RP9: variants seen among roughly 807,000 people sequenced by gnomAD.
RP9 encodes the protein retinitis pigmentosa 9 protein.
A neutral mutation model predicts 32.6 loss-of-function variants in RP9; 23 were observed. The ratio of observed to expected loss-of-function variants is 0.71; its 90% confidence interval spans 0.51 to 1.00. The LOEUF (loss-of-function observed/expected upper bound fraction) is 1.00, where lower values mean the gene tolerates loss of function less well. RP9 is among the 50% of genes least tolerant of loss of function. The probability of loss-of-function intolerance (pLI) is 0.00; values close to 1 mark genes in which losing one functional copy is unlikely to be tolerated. For synonymous variants in RP9, 94 were observed against 103.6 expected, an observed-to-expected ratio of 0.91 and a Z score of 0.56; for missense variants, 245 against 285.3, an observed-to-expected ratio of 0.86 and a Z score of 1.02.
Position 33,109,397 on chromosome 7 carries a change from G to T in RP9, c.-25C>A. The T allele has an allele frequency of 3.5e-6, 4 of 1,157,686 alleles. No homozygotes were observed. The highest frequency in any genetic ancestry group is 4.3e-6 in the Non-Finnish European group (4 of 940,746). 71.7% of individuals were successfully genotyped at this position (1,157,686 alleles called of 1,614,324 possible). A position where few individuals can be genotyped will look rare whatever the true frequency, so the allele number is the denominator to read the frequency against. On this transcript the variant is annotated 5_prime_UTR_variant, in exon 1 of 6. Coordinates refer to ENST00000297157, the MANE Select transcript of RP9 (RefSeq NM_203288.2). The surrounding 1 kb of genome is among the most constrained non-coding windows in gnomAD (Gnocchi z 4.9). Reference sequence around the variant, plus strand: ...TGTCAGCCCCCGCAGCGCCGCTCGGGCAACCCCCGCGGCGCGGCTCCGGCG... The same window carrying T: ...TGTCAGCCCCCGCAGCGCCGCTCGGTCAACCCCCGCGGCGCGGCTCCGGCG...
In RP9 at chr7:33,095,026, A is replaced by G. The variant is rs1192298378; in HGVS notation, c.*208T>C. On this transcript the variant is annotated 3_prime_UTR_variant, in exon 6 of 6. Coordinates refer to ENST00000297157, the MANE Select transcript of RP9 (RefSeq NM_203288.2). ...ACGATGAAGAAACTTTCCTGCCTAA[A>G]ATCAGCTGCTGTCCAGAGCTAGCAC... is the stretch of plus-strand genomic sequence containing the variant. 1 of 590,898 alleles carries G rather than the reference A, an allele frequency of 1.7e-6. No homozygotes were observed. Among genetic ancestry groups the G allele is most frequent in the African/African-American group, 1.9e-5 (1 of 53,480 alleles). 36.6% of individuals were successfully genotyped at this position (590,898 alleles called of 1,614,324 possible). A position where few individuals can be genotyped will look rare whatever the true frequency, so the allele number is the denominator to read the frequency against.
Position 33,097,263 on chromosome 7 carries a change from T to C in RP9, c.405+8A>G, listed in dbSNP as rs758778831. ...AAATGTAAATTGACACTCTTGGACT[T>C]TACTTACCACTCTGAACTGCTCTAA... On this transcript the variant is annotated splice_region_variant and intron_variant, in intron 4 of 5. Coordinates refer to ENST00000297157, the MANE Select transcript of RP9 (RefSeq NM_203288.2). 8.1e-6 allele frequency: 13 copies of C among 1,598,350 alleles called. No individual in the cohort carries two copies. The highest frequency in any genetic ancestry group is 1.7e-5 in the Admixed American group (1 of 59,984).
intron 1 of RP9, among the ~76,000 whole-genome samples, chr7:33,103,430 A>C (rs947557145): frequency 3.3e-5 from 5 of 152,224 alleles, no homozygotes; most frequent in African/African-American, 1.2e-4. Context: ...GCGCCCTATC[A>C]TGAAGCTATC....
Position 33,109,378 on chromosome 7 carries a change from C to T in RP9, c.-6G>A. The T allele has an allele frequency of 1.5e-6, 2 of 1,367,118 alleles. No homozygotes were observed. Among genetic ancestry groups the T allele is most frequent in the Non-Finnish European group, 1.9e-6 (2 of 1,057,382 alleles). The allele number at this position is 1,367,118 out of a possible 1,614,324, so 84.7% of individuals were successfully genotyped here. ...CGCCCAGGCCGGGACGACATGTCAGCCCCCGCAGCGCCGCTCGGGCAACCC... is the reference window on the plus strand; with the variant it reads ...CGCCCAGGCCGGGACGACATGTCAGTCCCCGCAGCGCCGCTCGGGCAACCC... On this transcript the variant is annotated 5_prime_UTR_variant, in exon 1 of 6. Transcript: ENST00000297157. This position sits in a 1 kb window ranked among gnomAD's most constrained non-coding sequence, Gnocchi z 4.9.
intron 1 of RP9, among the ~76,000 whole-genome samples, chr7:33,104,246 T>A (rs1788468054): frequency 6.6e-6 from 1 of 151,958 alleles, no homozygotes; most frequent in Non-Finnish European, 1.5e-5. Context: ...TCATGACATG[T>A]CAAGAAAAAA....
intron 5 of RP9, among the ~76,000 whole-genome samples, chr7:33,095,711 C>G (rs1190143613): frequency 6.6e-6 from 1 of 152,216 alleles, no homozygotes; most frequent in Non-Finnish European, 1.5e-5. Context: ...CAGACGCATA[C>G]TTTACTAAAC....
chr7:33,099,075 A>G, intron 3 of RP9: 1 of 589,224 alleles, frequency 1.7e-6, no homozygotes, highest in South Asian at 2.0e-5. Context: ...GGGTCCCAGC[A>G]AGGTGGGTTT....
Position 33,099,295 on chromosome 7 carries a change from T to C in RP9, c.313+12A>G. 1 of 1,612,496 alleles carries C rather than the reference T, an allele frequency of 6.2e-7. No homozygotes were observed. The highest frequency in any genetic ancestry group is 8.5e-7 in the Non-Finnish European group (1 of 1,179,906). On this transcript the variant is annotated intron_variant, in intron 3 of 5. Transcript: ENST00000297157. ...TAAGTTGCATGGATTAGGGAAACTCTCCCACACTCACACTGCATAACTTTG... is the reference window on the plus strand; with the variant it reads ...TAAGTTGCATGGATTAGGGAAACTCCCCCACACTCACACTGCATAACTTTG...
In RP9 at chr7:33,095,394, G is replaced by A. The variant is rs1788316254; in HGVS notation, c.506C>T (p.Ser169Leu). Reference sequence around the variant, plus strand: ...ACTGGAGCTGCTCCTATCTTCATCTGAGGTAGAATCCTCCAGTAACTGTTT... The same window carrying A: ...ACTGGAGCTGCTCCTATCTTCATCTAAGGTAGAATCCTCCAGTAACTGTTT... ...QLKQLLEDST[S>L]DEDRSSSSSS... is the part of the protein sequence containing the mutation. The change falls in exon 6 of 6, where the codon TCA becomes TTA. Residue 169 changes from serine to leucine, a missense_variant. Physicochemically the swap from Ser to Leu is moderately radical, Grantham distance 145. Transcript: ENST00000297157. 1 of 1,613,524 alleles carries A rather than the reference G, an allele frequency of 6.2e-7. No homozygotes were observed. The highest frequency in any genetic ancestry group is 1.3e-5 in the African/African-American group (1 of 74,758).
intron 1 of RP9, chr7:33,100,832 G>C: frequency 1.7e-6 from 1 of 603,156 alleles, no homozygotes; most frequent in East Asian, 3.4e-5. Context: ...GAGCACGCAA[G>C]TCTCCAGATG....
Position 33,095,890 on chromosome 7 carries a change from G to A in RP9, c.468-458C>T, listed in dbSNP as rs149739447. ...TCTGTCACCTAGGCTGGAGTGCAGT[G>A]GTGCAATCATGGCTTACTGCAGCCT... On this transcript the variant is annotated intron_variant, in intron 5 of 5. Coordinates refer to ENST00000297157, the MANE Select transcript of RP9 (RefSeq NM_203288.2). Among the ~76,000 whole-genome samples the A allele has an allele frequency of 2.0e-4, 31 of 152,050 alleles. 3 individuals are homozygous for A. The East Asian group carries it at 6.0e-3, about 29-fold the overall frequency.
chr7:33,104,024 A>G (rs1225058763), intron 1 of RP9, among the ~76,000 whole-genome samples: 2 of 152,178 alleles, frequency 1.3e-5, no homozygotes, highest in Non-Finnish European at 2.9e-5. Flanking sequence ...ATGAAACAAG[A>G]ACAGGATAAT....
chr7:33,104,055 T>C (rs1380279891), intron 1 of RP9, among the ~76,000 whole-genome samples: 1 of 151,988 alleles, frequency 6.6e-6, no homozygotes, highest in Non-Finnish European at 1.5e-5. Context: ...ACTTGCAGAA[T>C]GAGAAAAAGC....
intron 1 of RP9, among the ~76,000 whole-genome samples, chr7:33,104,101 G>A (rs1788466241): frequency 6.6e-6 from 1 of 151,844 alleles, no homozygotes; most frequent in Admixed American, 6.6e-5. Context: ...ATGTTTAGTA[G>A]AGAAAAAGAT....
intron 2 of RP9, 195 bp downstream of exon 2, chr7:33,100,336 C>T (rs1378250804): frequency 1.5e-6 from 1 of 645,238 alleles, no homozygotes; most frequent in Non-Finnish European, 2.8e-6. Flanking sequence ...GGAAGGGAAA[C>T]ATGGCTGATG....
At chr7:33,096,459 TA>T in intron 5 of RP9, 33 bp downstream of exon 5, 1 of 1,492,914 alleles carries the variant, frequency 6.7e-7, no homozygotes, top group Non-Finnish European at 9.3e-7. Context: ...TTTAAAACTT[TA>T]AGGGGATATT....
rs1162648899 is a variant in RP9, at chr7:33,109,264, G to A, written c.109C>T (p.His37Tyr). The A allele has an allele frequency of 1.3e-6, 2 of 1,494,240 alleles. No homozygotes were observed. Among genetic ancestry groups the A allele is most frequent in the Non-Finnish European group, 1.8e-6 (2 of 1,125,538 alleles). 92.6% of individuals were successfully genotyped at this position (1,494,240 alleles called of 1,614,324 possible). The change falls in exon 1 of 6, where the codon CAC becomes TAC. Residue 37 changes from histidine (H) to tyrosine (Y), a missense_variant. His to Tyr is a moderately conservative substitution (Grantham distance 83, BLOSUM62 2). Coordinates refer to ENST00000297157, the MANE Select transcript of RP9 (RefSeq NM_203288.2). The surrounding 1 kb of genome is among the most constrained non-coding windows in gnomAD (Gnocchi z 4.9). ...AGCTGCTGCAGCTGCTGCGCGTCGT[G>A]TCGCCGCCGCTTCTGCTCCCGACGT... ...QRRREQKRRR[H>Y]DAQQLQQLKH...
At chr7:33,106,432 T>A (rs868473101) in intron 1 of RP9, among the ~76,000 whole-genome samples, 1 of 152,134 alleles carries the variant, frequency 6.6e-6, no homozygotes, top group South Asian at 2.1e-4. Context: ...CACCTCTACC[T>A]CCCAAAATGC....
intron 3 of RP9, among the ~76,000 whole-genome samples, chr7:33,098,452 C>T (rs1164290481): frequency 6.6e-6 from 1 of 152,078 alleles, no homozygotes; most frequent in Non-Finnish European, 1.5e-5. Context: ...CCAGGGAGAC[C>T]AGGGAGACAT....
Sources: allele counts gnomAD v4.1 joint callset (sites outside exome capture counted in the v4.1 genomes callset), GRCh38; gene constraint gnomAD v4.1.1; non-coding constraint Gnocchi (gnomAD v3.1); transcripts MANE v1.5; gene names NCBI Gene and HGNC (gene_info 2026-07-23, HGNC 2026-07-21).